The following OR56A3 variants were observed in gnomAD, a reference collection of about 807,000 sequenced individuals.
The protein encoded by OR56A3 is olfactory receptor 56A3.
Under a neutral mutation model 17.5 loss-of-function variants are expected in OR56A3, and 23 were observed. The ratio of observed to expected loss-of-function variants is 1.32; its 90% CI spans 0.95 to 1.87. The LOEUF is 1.87. Ranked by LOEUF, OR56A3 falls within the 40% of genes most tolerant of loss-of-function variation. The pLI, the probability that OR56A3 is intolerant of heterozygous loss-of-function variation, is 0.00. For synonymous variants in OR56A3, 175 were observed against 150.6 expected (o/e 1.16, Z -1.19); for missense variants, 366 against 380.1 (o/e 0.96, Z 0.31).
At chr11:5,966,353 G>A in the OR56A3 span, among the ~76,000 whole-genome samples, 14 of 152,110 alleles carry the variant, frequency 9.2e-5, no homozygotes, top group Non-Finnish European at 1.3e-4. Flanking sequence ...CAGCCTGGGC[G>A]ATAGAGTAAG....
the OR56A3 span, among the ~76,000 whole-genome samples, chr11:5,973,896 G>C: frequency 6.6e-6 from 1 of 152,138 alleles, no homozygotes; most frequent in Non-Finnish European, 1.5e-5. Context: ...ATACAGTTCT[G>C]CTAGTGGCTG....
the OR56A3 span, among the ~76,000 whole-genome samples, chr11:5,961,752 T>TAAAA: frequency 1.5e-5 from 2 of 134,478 alleles, no homozygotes; most frequent in African/African-American, 5.5e-5. Flanking sequence ...AATAAATACT[T>TAAAA]AAAAAAAAAA....
chr11:5,983,782 T>C, the OR56A3 span, among the ~76,000 whole-genome samples: 1 of 152,150 alleles, frequency 6.6e-6, no homozygotes, highest in African/African-American at 2.4e-5. Flanking sequence ...ATGGATGCAA[T>C]GGATGGGGTT....
chr11:5,967,566 A>C, the OR56A3 span: 2 of 1,590,448 alleles, frequency 1.3e-6, no homozygotes, highest in East Asian at 2.2e-5. Context: ...CAACCTCCTC[A>C]GCAGGTTCTG....
chr11:6,020,926 G>A, the OR56A3 span: 1 of 151,920 alleles, frequency 6.6e-6, no homozygotes, highest in Non-Finnish European at 1.5e-5. Flanking sequence ...CCATTTTGGA[G>A]GTCAAAAGTT....
rs555158043 is a variant in OR56A3, at chr11:5,951,148, G to C, written c.*2854G>C. The C allele has an allele frequency of 2.0e-5, 3 of 152,060 alleles. No individual in the cohort carries two copies. The highest frequency in any genetic ancestry group is 4.4e-5 in the Non-Finnish European group (3 of 67,920). The allele number at this position is 152,060 out of a possible 1,614,324, so 9.4% of individuals were successfully genotyped here. On this transcript the variant is annotated 3_prime_UTR_variant, in exon 3 of 3. Transcript: ENST00000641160. ...TAGTTACTGGGTTTTTAAGACATAT[G>C]GTCCTGAAATCCCACAGTGACAGAC...
chr11:5,957,339 A>G, the OR56A3 span, among the ~76,000 whole-genome samples: 2 of 152,168 alleles, frequency 1.3e-5, no homozygotes, highest in South Asian at 2.1e-4. Context: ...GTGTCATTCT[A>G]TTCTCCCATT....
At chr11:5,985,886 C>T in the OR56A3 span, 7 of 1,499,018 alleles carry the variant, frequency 4.7e-6, no homozygotes, top group South Asian at 1.3e-5. Flanking sequence ...TCACAGGCTC[C>T]TGGCTGTGGT....
the OR56A3 span, chr11:6,001,814 A>G: frequency 2.3e-6 from 1 of 443,074 alleles, no homozygotes; most frequent in Non-Finnish European, 3.9e-6. Context: ...AGATTAGATC[A>G]GGAAAAATTC....
chr11:5,993,965 G>T, the OR56A3 span: 2 of 444,856 alleles, frequency 4.5e-6, no homozygotes, highest in East Asian at 6.5e-5. Context: ...GGTTCGCATG[G>T]AGTTGGGGGC....
chr11:5,960,488 T>C, the OR56A3 span, among the ~76,000 whole-genome samples: 2 of 152,256 alleles, frequency 1.3e-5, no homozygotes, highest in Non-Finnish European at 2.9e-5. Flanking sequence ...CTCCAGCTCC[T>C]GACCGCGAGT....
the OR56A3 span, among the ~76,000 whole-genome samples, chr11:5,966,459 G>A: frequency 1.1e-4 from 16 of 152,044 alleles, no homozygotes; most frequent in African/African-American, 3.6e-4. Context: ...TAGATTAGGA[G>A]ACATTCCGAA....
chr11:5,990,436 C>G, the OR56A3 span, among the ~76,000 whole-genome samples: 1 of 152,176 alleles, frequency 6.6e-6, no homozygotes, highest in South Asian at 2.1e-4. Context: ...TCTGCTGAAT[C>G]TCTGCCATAA....
chr11:5,997,020 G>A, the OR56A3 span, among the ~76,000 whole-genome samples: 2 of 152,128 alleles, frequency 1.3e-5, no homozygotes, highest in Non-Finnish European at 2.9e-5. Flanking sequence ...TGCTTCCATG[G>A]CAATCTTCTC....
the OR56A3 span, among the ~76,000 whole-genome samples, chr11:5,989,305 C>T: frequency 6.6e-6 from 1 of 152,200 alleles, no homozygotes. Context: ...AACAGCTGTG[C>T]ATTTGTGGAA....
At chr11:5,990,518 C>T in the OR56A3 span, among the ~76,000 whole-genome samples, 1 of 152,194 alleles carries the variant, frequency 6.6e-6, no homozygotes, top group Non-Finnish European at 1.5e-5. Flanking sequence ...TCACTCTGCA[C>T]TGCTTCTAGC....
the OR56A3 span, among the ~76,000 whole-genome samples, chr11:5,989,476 CAAAT>C: frequency 6.6e-6 from 1 of 152,146 alleles, no homozygotes; most frequent in Non-Finnish European, 1.5e-5. Context: ...ATTAAGTAAA[CAAAT>C]AAGCGGAAAA....
At chr11:5,986,947 C>A in the OR56A3 span, 1 of 1,607,730 alleles carries the variant, frequency 6.2e-7, no homozygotes. Context: ...TGCATTCCTG[C>A]TACATTATCA....
chr11:5,992,219 C>A, the OR56A3 span, among the ~76,000 whole-genome samples: 1 of 152,188 alleles, frequency 6.6e-6, no homozygotes, highest in African/African-American at 2.4e-5. Context: ...GTGTCGCCTG[C>A]TGGAAGTTCA....
Sources: allele counts gnomAD v4.1 joint callset (sites outside exome capture counted in the v4.1 genomes callset), GRCh38; gene constraint gnomAD v4.1.1; transcripts MANE v1.5; gene names NCBI Gene and HGNC (gene_info 2026-07-23, HGNC 2026-07-21).